Variants in CHD7 observed in about 807,000 individuals in gnomAD.
CHD7 encodes the protein chromodomain helicase DNA binding protein 7.
In CHD7, 24 loss-of-function variants were observed where a neutral mutation model predicts 307.3. That is an observed-to-expected ratio of 0.08 (90% CI 0.06 to 0.11). The LOEUF is 0.11. Among genes scored for constraint, CHD7 ranks in the 10% least tolerant of loss-of-function variants. The pLI is 1.00. For missense variants in CHD7, 3,106 were observed against 3,727.1 expected (o/e 0.83, Z 4.34); for synonymous variants, 1,363 against 1,349.9 (o/e 1.01, Z -0.21).
chr8:60,766,372 A>G (rs1810469706), intron 2 of CHD7, among the ~76,000 whole-genome samples: 1 of 152,116 alleles, frequency 6.6e-6, no homozygotes, highest in African/African-American at 2.4e-5. Context: ...TGAGGTGAGG[A>G]CTTTAGATTT....
chr8:60,747,451 C>T (rs146820789), intron 2 of CHD7, among the ~76,000 whole-genome samples: 187 of 152,210 alleles, frequency 1.2e-3, no homozygotes, highest in African/African-American at 4.2e-3. Flanking sequence ...TGTTAACATA[C>T]ATAATACTTT....
chr8:60,771,425 C>T (rs901068367), intron 2 of CHD7, among the ~76,000 whole-genome samples: 1 of 152,154 alleles, frequency 6.6e-6, no homozygotes, highest in Admixed American at 6.5e-5. Context: ...TGAAAATGCT[C>T]CATTGAGCAT....
chr8:60,866,160 G>T lies in CHD7; in HGVS notation c.*227G>T. 5.1e-6 allele frequency: 2 copies of T among 392,524 alleles called. No individual in the cohort carries two copies. Among genetic ancestry groups the T allele is most frequent in the South Asian group, 6.8e-5 (1 of 14,700 alleles). The allele number at this position is 392,524 out of a possible 1,614,324, so 24.3% of individuals were successfully genotyped here. ...CCCTAGGAGAGATGAAATTTGAGAG[G>T]TGATCATGTCTTTTTAAGGAAACTT... On this transcript the variant is annotated 3_prime_UTR_variant, in exon 38 of 38. Coordinates refer to ENST00000423902, the MANE Select transcript of CHD7 (RefSeq NM_017780.4).
rs778361949 is a variant in CHD7 at position 60,743,075 on chromosome 8, C to T, written c.1643C>T (p.Pro548Leu). 30 of 1,613,596 alleles carry T rather than the reference C, an allele frequency of 1.9e-5. No homozygotes were observed. The highest frequency in any genetic ancestry group is 2.3e-5 in the Non-Finnish European group (27 of 1,179,792). The change falls in exon 2 of 38, where the codon CCG (proline) becomes CTG (leucine). Residue 548 changes from proline to leucine, a missense_variant. Pro to Leu is a moderately conservative substitution (Grantham distance 98, BLOSUM62 -3). This residue lies in a region of CHD7 where 998 missense variants were observed against 1,004.5 expected (regional missense o/e 0.99). Coordinates refer to ENST00000423902, the MANE Select transcript of CHD7 (RefSeq NM_017780.4). ...CTCCACCCATCACCCCAGAACACCC[C>T]GCAGAAAGTGCCTGTGCATCAGGTA... ...AQLHPSPQNT[P>L]QKVPVHQHSP...
intron 3 of CHD7, among the ~76,000 whole-genome samples, chr8:60,792,610 A>C (rs1334092076): frequency 6.6e-6 from 1 of 152,208 alleles, no homozygotes; most frequent in Admixed American, 6.5e-5. Flanking sequence ...TGGAGGTTCC[A>C]TACAGTTCAT....
intron 4 of CHD7, among the ~76,000 whole-genome samples, chr8:60,796,781 G>A (rs1395120843): frequency 6.6e-6 from 1 of 152,066 alleles, no homozygotes; most frequent in Non-Finnish European, 1.5e-5. Flanking sequence ...TGTTTTCTTG[G>A]TATGTCTGAC....
At chr8:60,763,908 G>A (rs186602081) in intron 2 of CHD7, among the ~76,000 whole-genome samples, 1 of 152,302 alleles carries the variant, frequency 6.6e-6, no homozygotes, top group African/African-American at 2.4e-5. Flanking sequence ...GGTCAGAGAG[G>A]AAAAGAGGAG....
rs182845470 is a variant in CHD7 at position 60,709,151 on chromosome 8, T to A, written c.-175+30069T>A. On this transcript the variant is annotated intron_variant, in intron 1 of 37. Coordinates refer to ENST00000423902, the MANE Select transcript of CHD7 (RefSeq NM_017780.4). ...AGGCAGCCTAGGGCTATTTTAGTAT[T>A]TTCCTATTAAAGGGTTAAGGTCTGA... Among the ~76,000 whole-genome samples the A allele has an allele frequency of 2.2e-4, 34 of 152,354 alleles. No individual in the cohort carries two copies. In the Middle Eastern group the frequency reaches 0.017, roughly 76 times the overall value.
chr8:60,680,409 G>T (rs1266827496), intron 1 of CHD7, among the ~76,000 whole-genome samples: 5 of 101,218 alleles, frequency 4.9e-5, no homozygotes, highest in East Asian at 3.5e-4. Flanking sequence ...GGGGGGGGGG[G>T]GCGGGGGCGG....
intron 1 of CHD7, among the ~76,000 whole-genome samples, chr8:60,698,788 CTT>C (rs955009535): frequency 2.0e-4 from 30 of 152,292 alleles, no homozygotes; most frequent in African/African-American, 6.3e-4. Context: ...TTCTCTTTCT[CTT>C]TTTCTTTTCT....
intron 2 of CHD7, among the ~76,000 whole-genome samples, chr8:60,750,443 G>C (rs1476767245): frequency 6.6e-6 from 1 of 152,194 alleles, no homozygotes; most frequent in East Asian, 1.9e-4. Context: ...ATTTCTGGCT[G>C]TCCTATCTTT....
chr8:60,817,516 T>C (rs1348887188), intron 8 of CHD7, among the ~76,000 whole-genome samples: 1 of 152,182 alleles, frequency 6.6e-6, no homozygotes, highest in Non-Finnish European at 1.5e-5. Context: ...TGGGAGATCA[T>C]GTGGTTGTTC....
intron 1 of CHD7, among the ~76,000 whole-genome samples, chr8:60,704,854 C>T (rs2150513588): frequency 6.6e-6 from 1 of 152,216 alleles, no homozygotes; most frequent in South Asian, 2.1e-4. Context: ...TTCTCTTGAG[C>T]ACATGGCTTG....
intron 8 of CHD7, among the ~76,000 whole-genome samples, chr8:60,817,497 C>T (rs1006103721): frequency 3.3e-5 from 5 of 152,034 alleles, no homozygotes; most frequent in Admixed American, 6.6e-5. Flanking sequence ...TGGTAAAGTC[C>T]GCATTCAATG....
intron 2 of CHD7, among the ~76,000 whole-genome samples, chr8:60,779,731 G>T (rs754149604): frequency 6.6e-6 from 1 of 152,168 alleles, no homozygotes; most frequent in Non-Finnish European, 1.5e-5. Context: ...GCCTGGGCTC[G>T]TCTGCCTGCT....
intron 34 of CHD7, among the ~76,000 whole-genome samples, chr8:60,860,445 A>AT (rs1259277819): frequency 6.6e-6 from 1 of 151,972 alleles, no homozygotes; most frequent in Non-Finnish European, 1.5e-5. Flanking sequence ...TTTTATTTTT[A>AT]TTTTTTTGAG....
chr8:60,723,253 A>G (rs976059757), intron 1 of CHD7, among the ~76,000 whole-genome samples: 1 of 152,190 alleles, frequency 6.6e-6, no homozygotes, highest in African/African-American at 2.4e-5. Context: ...TATCATTGGC[A>G]ACAAAACTGT....
At chr8:60,772,898 A>C (rs375413013) in intron 2 of CHD7, among the ~76,000 whole-genome samples, 3 of 152,202 alleles carry the variant, frequency 2.0e-5, no homozygotes, top group African/African-American at 7.2e-5. Flanking sequence ...TGAAAGTATG[A>C]CTGTGTCTCA....
chr8:60,827,703 A>G (rs961339239), intron 13 of CHD7, among the ~76,000 whole-genome samples: 1 of 152,088 alleles, frequency 6.6e-6, no homozygotes, highest in Non-Finnish European at 1.5e-5. Flanking sequence ...AAAGAGCTTC[A>G]TTAACAGATA....
Sources: allele counts gnomAD v4.1 joint callset (sites outside exome capture counted in the v4.1 genomes callset), GRCh38; gene constraint gnomAD v4.1.1; regional missense constraint gnomAD v4.1.1; transcripts MANE v1.5; gene names NCBI Gene and HGNC (gene_info 2026-07-23, HGNC 2026-07-21).